The following ATP8A2 variants were observed in gnomAD, a reference collection of about 807,000 sequenced individuals.
ATP8A2 encodes ATPase phospholipid transporting 8A2, also known as phospholipid-transporting ATPase IB.
ATP8A2 carries 100 observed loss-of-function variants against 165.6 expected under a neutral mutation model. The observed-to-expected ratio is 0.60, with a 90% CI of 0.51 to 0.71. The LOEUF is 0.71. ATP8A2 is among the 30% of genes least tolerant of loss of function. ATP8A2 has a pLI of 0.00. For synonymous variants in ATP8A2, 543 were observed against 548.8 expected (o/e 0.99, Z 0.15); for missense variants, 1,227 against 1,479.5 (o/e 0.83, Z 2.80).
In ATP8A2 at chr13:25,682,009, G is replaced by A. The variant is rs562881873; in HGVS notation, c.2212-17164G>A. Among the ~76,000 whole-genome samples the A allele has an allele frequency of 8.1e-4, 124 of 152,188 alleles. 1 individual carries two copies. Among genetic ancestry groups the A allele is most frequent in the African/African-American group, 2.8e-3 (118 of 41,504 alleles). ...GGCTGAGAGAGCACTGCGGTCCTTGGCTGATGCACTGAAGAAAAACGCGTC... is the reference window on the plus strand; with the variant it reads ...GGCTGAGAGAGCACTGCGGTCCTTGACTGATGCACTGAAGAAAAACGCGTC... On this transcript the variant is annotated intron_variant, in intron 24 of 36. Transcript: ENST00000381655.
At chr13:25,945,731 A>T (rs1200873729) in intron 33 of ATP8A2, among the ~76,000 whole-genome samples, 2 of 152,216 alleles carry the variant, frequency 1.3e-5, no homozygotes, top group Admixed American at 6.5e-5. Context: ...AAAATGTCTC[A>T]TCAAGGGGTC....
chr13:25,848,967 G>A (rs944946691), intron 30 of ATP8A2, among the ~76,000 whole-genome samples: 5 of 151,758 alleles, frequency 3.3e-5, no homozygotes, highest in African/African-American at 4.8e-5. Context: ...GATGGGGTGC[G>A]CTTCCTCTGA....
chr13:25,616,326 C>CTTTTTTT (rs535891442), intron 24 of ATP8A2, among the ~76,000 whole-genome samples: 46 of 106,756 alleles, frequency 4.3e-4, no homozygotes, highest in Middle Eastern at 5.1e-3. Flanking sequence ...TTCTTTCTTT[C>CTTTTTTT]TTTTTTTTTT....
intron 35 of ATP8A2, among the ~76,000 whole-genome samples, chr13:26,007,709 A>G (rs547247914): frequency 2.0e-5 from 3 of 152,312 alleles, no homozygotes; most frequent in East Asian, 3.9e-4. Context: ...TCCAGATACC[A>G]AAAACAGAGG....
intron 24 of ATP8A2, among the ~76,000 whole-genome samples, chr13:25,661,175 A>T (rs1021291296): frequency 3.9e-5 from 6 of 152,216 alleles, no homozygotes; most frequent in Non-Finnish European, 8.8e-5. Context: ...TGTGATGCAC[A>T]GGTGCTCTGA....
At chr13:25,994,212 A>G (rs1956448416) in intron 35 of ATP8A2, among the ~76,000 whole-genome samples, 1 of 152,090 alleles carries the variant, frequency 6.6e-6, no homozygotes, top group Admixed American at 6.5e-5. Flanking sequence ...GAACTGACTT[A>G]TTAGTACTAG....
intron 2 of ATP8A2, 90 bp from the exon 3 acceptor site, chr13:25,529,908 AT>A (rs1480016311): frequency 1.4e-6 from 1 of 708,334 alleles, no homozygotes; most frequent in African/African-American, 1.8e-5. Flanking sequence ...TTTTTAAACC[AT>A]TTGTAAAACT....
Position 25,372,632 on chromosome 13 carries a change from C to G in ATP8A2, c.76+344C>G, listed in dbSNP as rs981214098. 2.6e-5 allele frequency among the ~76,000 whole-genome samples: 4 copies of G among 152,156 alleles called. No homozygotes were observed. The highest frequency in any genetic ancestry group is 2.9e-5 in the Non-Finnish European group (2 of 68,016). On this transcript the variant is annotated intron_variant, in intron 1 of 36. Coordinates refer to ENST00000381655, the MANE Select transcript of ATP8A2 (RefSeq NM_016529.6). The surrounding 1 kb of genome is among the most constrained non-coding windows in gnomAD (Gnocchi z 4.8). ...ATGCGGCTCAGGGATGCGACCTAGG[C>G]GGCAGTCACCGCGATGGTGGGCACG...
At position 26,001,935 on chromosome 13, in the gene ATP8A2, T is replaced by A. The variant is rs951859843; in HGVS notation, c.3378-10596T>A. Among the ~76,000 whole-genome samples, 3 of 152,360 alleles carry A rather than the reference T, an allele frequency of 2.0e-5. 1 individual carries two copies. On this transcript the variant is annotated intron_variant, in intron 35 of 36. Transcript: ENST00000381655. ...CATTTGGCCATTGCCAAAGCCAAGG[T>A]CATAAAGATTTGCCCCTGTATTTTC...
At chr13:25,781,120 G>A (rs2044867161) in intron 27 of ATP8A2, among the ~76,000 whole-genome samples, 3 of 152,092 alleles carry the variant, frequency 2.0e-5, no homozygotes, top group African/African-American at 7.2e-5. Flanking sequence ...AAAATTAGCT[G>A]GGCATGGTGG....
chr13:25,559,795 TTA>T, intron 15 of ATP8A2, 30 bp downstream of exon 15: 1 of 1,529,564 alleles, frequency 6.5e-7, no homozygotes, highest in Non-Finnish European at 9.1e-7. Flanking sequence ...TCTTGACACT[TTA>T]GTGGAAAAGC....
intron 33 of ATP8A2, among the ~76,000 whole-genome samples, chr13:25,896,193 C>T (rs1162537728): frequency 6.6e-6 from 1 of 152,230 alleles, no homozygotes; most frequent in Non-Finnish European, 1.5e-5. Context: ...TCCCTCTACA[C>T]ACTACTTTGA....
At position 26,022,647 on chromosome 13, in the gene ATP8A2, A is replaced by G. The variant is rs977620120; in HGVS notation, c.*2662A>G. 1 of 152,216 alleles carries G rather than the reference A, an allele frequency of 6.6e-6. No individual in the cohort carries two copies. The highest frequency in any genetic ancestry group is 1.5e-5 in the Non-Finnish European group (1 of 68,044). The allele number at this position is 152,216 out of a possible 1,614,324, so 9.4% of individuals were successfully genotyped here. On this transcript the variant is annotated 3_prime_UTR_variant, in exon 37 of 37. Coordinates refer to ENST00000381655, the MANE Select transcript of ATP8A2 (RefSeq NM_016529.6). ...GAGCAGCTGTCACTACGTGTGATGT[A>G]TAATATTTAGCCAGGGCCAACTCAG...
chr13:25,586,371 C>T (rs2039922001), intron 23 of ATP8A2, among the ~76,000 whole-genome samples: 1 of 152,028 alleles, frequency 6.6e-6, no homozygotes, highest in African/African-American at 2.4e-5. Flanking sequence ...GGGGAGAAGC[C>T]GTGAGGTGAG....
chr13:25,720,635 C>T (rs1048359957), intron 25 of ATP8A2, among the ~76,000 whole-genome samples: 2 of 152,204 alleles, frequency 1.3e-5, no homozygotes, highest in African/African-American at 4.8e-5. Flanking sequence ...AACTCTGGGA[C>T]GTTTGCTGAT....
intron 16 of ATP8A2, among the ~76,000 whole-genome samples, chr13:25,569,396 A>G (rs1301296349): frequency 6.6e-6 from 1 of 152,228 alleles, no homozygotes; most frequent in Non-Finnish European, 1.5e-5. Flanking sequence ...GGAAGCCGTC[A>G]TTCATTTATG....
At chr13:25,596,737 T>C (rs1186756892) in intron 24 of ATP8A2, among the ~76,000 whole-genome samples, 1 of 152,232 alleles carries the variant, frequency 6.6e-6, no homozygotes, top group Non-Finnish European at 1.5e-5. Context: ...TTTTGTTCTG[T>C]GCAAGTTTTG....
At chr13:25,742,634 C>T (rs999494563) in intron 25 of ATP8A2, among the ~76,000 whole-genome samples, 6 of 151,764 alleles carry the variant, frequency 4.0e-5, no homozygotes, top group African/African-American at 1.5e-4. Flanking sequence ...ATTAATCCCC[C>T]CCACACACCC....
intron 24 of ATP8A2, among the ~76,000 whole-genome samples, chr13:25,684,702 G>A (rs921234415): frequency 1.3e-5 from 2 of 152,164 alleles, no homozygotes; most frequent in African/African-American, 4.8e-5. Context: ...GGTCAAATCT[G>A]TGCTGGATTT....
Sources: gnomAD v4.1 joint callset for allele counts (sites outside exome capture counted in the v4.1 genomes callset) on GRCh38, gnomAD v4.1.1 for gene constraint, Gnocchi (gnomAD v3.1) non-coding constraint, MANE v1.5 for transcripts, NCBI Gene and HGNC (gene_info 2026-07-23, HGNC 2026-07-21) for gene names.